GREB1L: variants seen among roughly 807,000 people sequenced by gnomAD.
GREB1L encodes GREB1-like protein.
Under a neutral mutation model 200.8 loss-of-function variants are expected in GREB1L, and 17 were observed. The observed-to-expected ratio is 0.08, with a 90% confidence interval of 0.06 to 0.13. GREB1L has a LOEUF of 0.13. Among genes scored for constraint, GREB1L ranks in the 10% least tolerant of loss-of-function variants. The pLI, the probability that GREB1L is intolerant of heterozygous loss-of-function variation, is 1.00. For synonymous variants in GREB1L, 789 were observed against 893.0 expected, an observed-to-expected ratio of 0.88 and a Z score of 2.08; for missense variants, 1,657 against 2,367.7, an observed-to-expected ratio of 0.70 and a Z score of 6.23.
chr18:21,332,477 AAT>A (rs1491582691), intron 1 of GREB1L, among the ~76,000 whole-genome samples: 1 of 152,058 alleles, frequency 6.6e-6, no homozygotes, highest in African/African-American at 2.4e-5. Context: ...AAAAAAAAAA[AAT>A]TTTTTTTTCT....
At chr18:21,285,582 T>C (rs570237285) in intron 1 of GREB1L, among the ~76,000 whole-genome samples, 2 of 152,328 alleles carry the variant, frequency 1.3e-5, no homozygotes, top group African/African-American at 4.8e-5. Context: ...GGGAATATAA[T>C]TGTTGTTAGA....
At chr18:21,500,756 G>A (rs2036754752) in intron 23 of GREB1L, 114 bp downstream of exon 23, 1 of 702,196 alleles carries the variant, frequency 1.4e-6, no homozygotes, top group African/African-American at 1.8e-5. Context: ...AACCTGCAGA[G>A]TTATTGGGAG....
At chr18:21,356,880 G>T (rs1408948047) in intron 1 of GREB1L, among the ~76,000 whole-genome samples, 1 of 152,134 alleles carries the variant, frequency 6.6e-6, no homozygotes, top group Non-Finnish European at 1.5e-5. Context: ...CAGATATGAG[G>T]TGATACCTCA....
chr18:21,283,656 T>C (rs1355161306), intron 1 of GREB1L, among the ~76,000 whole-genome samples: 1 of 152,084 alleles, frequency 6.6e-6, no homozygotes, highest in Non-Finnish European at 1.5e-5. Flanking sequence ...GTTCTCAGCA[T>C]CTAGGAAACA....
chr18:21,475,520 G>A (rs893300969), intron 16 of GREB1L, among the ~76,000 whole-genome samples: 2 of 152,000 alleles, frequency 1.3e-5, no homozygotes, highest in Non-Finnish European at 2.9e-5. Context: ...CACACGTCTG[G>A]CTAATTTTTG....
intron 7 of GREB1L, among the ~76,000 whole-genome samples, chr18:21,412,020 C>G (rs1161935890): frequency 6.9e-6 from 1 of 145,220 alleles, no homozygotes; most frequent in African/African-American, 2.6e-5. Context: ...AGTCCTCAGT[C>G]CGGCCTGGGC....
chr18:21,335,853 C>T (rs758410784), intron 1 of GREB1L, among the ~76,000 whole-genome samples: 8 of 151,730 alleles, frequency 5.3e-5, no homozygotes, highest in Non-Finnish European at 7.4e-5. Flanking sequence ...TTAGTAGAGA[C>T]GGGGATTCAC....
Position 21,495,550 on chromosome 18 carries a change from A to G in GREB1L, c.3031-120A>G, listed in dbSNP as rs188343355. On this transcript the variant is annotated intron_variant, in intron 19 of 32. Transcript: ENST00000424526. ...AAAATATACATACATAAACATATGT[A>G]AACACTTAGTGGAGTAATTTGAAAG... 115 of 664,772 alleles carry G rather than the reference A, an allele frequency of 1.7e-4. No individual in the cohort carries two copies. The East Asian group carries it at 3.1e-3, about 18-fold the overall frequency. The allele number at this position is 664,772 out of a possible 1,614,324, so 41.2% of individuals were successfully genotyped here. A position where few individuals can be genotyped will look rare whatever the true frequency, so the allele number is the denominator to read the frequency against.
intron 25 of GREB1L, among the ~76,000 whole-genome samples, chr18:21,507,324 C>T (rs565063847): frequency 1.6e-4 from 25 of 152,090 alleles, no homozygotes; most frequent in Non-Finnish European, 2.9e-4. Context: ...ATTTCTGAGG[C>T]AGAATAAACT....
At position 21,334,237 on chromosome 18, in the gene GREB1L, A is replaced by C. The variant is rs1249126446; in HGVS notation, c.-119-31790A>C. 2.6e-5 allele frequency among the ~76,000 whole-genome samples: 4 copies of C among 152,174 alleles called. No individual in the cohort carries two copies. The South Asian group carries it at 6.2e-4, about 24-fold the overall frequency. On this transcript the variant is annotated intron_variant, in intron 1 of 32. Transcript: ENST00000424526. ...ATTTTTGTAAGAGTTTGTAGCCATG[A>C]CGAAGTGAGTGAGTCTTGTTTTAAT...
In GREB1L at chr18:21,473,080, A is replaced by C; in HGVS notation, c.2232A>C (p.Arg744Ser). 1 of 1,550,508 alleles carries C rather than the reference A, an allele frequency of 6.4e-7. No individual in the cohort carries two copies. The highest frequency in any genetic ancestry group is 8.7e-7 in the Non-Finnish European group (1 of 1,146,496). The stretch of plus-strand genomic sequence containing the variant: ...AGGAAAATGGGACAGCCCATCAGAG[A>C]GCAGAAAAATATGTTGTTCGTCTAG... ...GLEENGTAHQ[R>S]AEKYVVRLDN... is the part of the protein sequence containing the mutation. The change falls in exon 16 of 33, where the codon AGA becomes AGC. Residue 744 changes from arginine (R) to serine (S), a missense_variant. Physicochemically the swap from Arg to Ser is moderately radical, Grantham distance 110. Transcript: ENST00000424526.
chr18:21,276,786 G>A (rs1381657371), intron 1 of GREB1L, among the ~76,000 whole-genome samples: 1 of 151,922 alleles, frequency 6.6e-6, no homozygotes, highest in Non-Finnish European at 1.5e-5. Flanking sequence ...AAGGAAAGAA[G>A]GAAGAGAGAG....
intron 17 of GREB1L, among the ~76,000 whole-genome samples, chr18:21,477,780 C>T (rs1251222751): frequency 4.9e-5 from 7 of 141,532 alleles, no homozygotes; most frequent in East Asian, 4.4e-4. Flanking sequence ...AGCGAGACTC[C>T]GTCTCAAAAA....
intron 24 of GREB1L, 87 bp from the exon 25 acceptor site, chr18:21,505,723 T>G (rs1279875295): frequency 7.0e-7 from 1 of 1,437,808 alleles, no homozygotes; most frequent in Admixed American, 2.4e-5. Flanking sequence ...CATGGAAAAG[T>G]CATTTTGGGG....
intron 1 of GREB1L, among the ~76,000 whole-genome samples, chr18:21,260,778 G>T (rs192170970): frequency 4.7e-4 from 71 of 151,992 alleles, no homozygotes; most frequent in African/African-American, 1.6e-3. Flanking sequence ...TGTGTGTGGG[G>T]TGGTTATGAT....
At chr18:21,320,759 G>A (rs1422036218) in intron 1 of GREB1L, among the ~76,000 whole-genome samples, 1 of 148,396 alleles carries the variant, frequency 6.7e-6, no homozygotes, top group Non-Finnish European at 1.5e-5. Flanking sequence ...GAACGAGACT[G>A]TCTCAAAAAA....
At position 21,373,697 on chromosome 18, in the gene GREB1L, A is replaced by G. The variant is rs2039967644; in HGVS notation, c.-10+7561A>G. Among the ~76,000 whole-genome samples, 2 of 152,152 alleles carry G rather than the reference A, an allele frequency of 1.3e-5. 1 individual carries two copies. Among genetic ancestry groups the G allele is most frequent in the Non-Finnish European group, 2.9e-5 (2 of 68,024 alleles). ...AAAAAAATTCAAACTCTCAATAATC[A>G]GGACTATTTGGTTACTTGGAAGTAC... On this transcript the variant is annotated intron_variant, in intron 2 of 32. Coordinates refer to ENST00000424526, the MANE Select transcript of GREB1L (RefSeq NM_001142966.3).
chr18:21,261,035 T>C (rs1027377047), intron 1 of GREB1L, among the ~76,000 whole-genome samples: 1 of 151,986 alleles, frequency 6.6e-6, no homozygotes, highest in African/African-American at 2.4e-5. Flanking sequence ...AACAGTAGTG[T>C]TTTATAGAGA....
chr18:21,450,425 T>A (rs193095323), intron 12 of GREB1L, among the ~76,000 whole-genome samples: 11 of 152,330 alleles, frequency 7.2e-5, no homozygotes, highest in Non-Finnish European at 1.5e-4. Flanking sequence ...GGCTCTCACC[T>A]CTTCCAGCAA....
Sources: gnomAD v4.1 joint callset for allele counts (sites outside exome capture counted in the v4.1 genomes callset) on GRCh38, gnomAD v4.1.1 for gene constraint, MANE v1.5 for transcripts, NCBI Gene and HGNC (gene_info 2026-07-23, HGNC 2026-07-21) for gene names.